The following DISC1 variants were observed in gnomAD, a reference collection of about 807,000 sequenced individuals.
DISC1 encodes the protein DISC1 scaffold protein.
In DISC1, 57 loss-of-function variants were observed where a neutral mutation model predicts 84.5. That is an observed-to-expected ratio of 0.67 (90% confidence interval 0.55 to 0.84). DISC1 has a LOEUF of 0.84. Ranked by LOEUF, DISC1 falls within the 40% of genes least tolerant of loss-of-function variation. The pLI, the probability that DISC1 is intolerant of heterozygous loss-of-function variation, is 0.00. For missense variants in DISC1, 1,000 were observed against 1,057.8 expected, an observed-to-expected ratio of 0.95 and a Z score of 0.76; for synonymous variants, 411 against 415.2, an observed-to-expected ratio of 0.99 and a Z score of 0.12.
At chr1:231,723,507 C>T (rs2070177398) in intron 3 of DISC1, 2 of 985,480 alleles carry the variant, frequency 2.0e-6, no homozygotes, top group Non-Finnish European at 2.4e-6. Context: ...TCTGTGCAGT[C>T]CTGTGGTTAC....
At chr1:231,801,611 G>C (rs1206085326) in intron 8 of DISC1, among the ~76,000 whole-genome samples, 3 of 152,122 alleles carry the variant, frequency 2.0e-5, no homozygotes, top group Non-Finnish European at 4.4e-5. Context: ...ACTATTTTCT[G>C]GTTGCTCTGT....
chr1:231,984,030 C>T (rs544931290), intron 10 of DISC1, among the ~76,000 whole-genome samples: 12 of 152,330 alleles, frequency 7.9e-5, no homozygotes, highest in Admixed American at 5.9e-4. Context: ...CATGCTAGTG[C>T]GGCATGGGGC....
intron 9 of DISC1, among the ~76,000 whole-genome samples, chr1:231,834,762 G>A (rs1309742572): frequency 2.6e-5 from 4 of 151,914 alleles, no homozygotes; most frequent in Non-Finnish European, 5.9e-5. Flanking sequence ...AAGGGATGGG[G>A]GGTTCTTGCC....
At chr1:231,723,491 A>G (rs1336485544) in intron 3 of DISC1, 2 of 985,508 alleles carry the variant, frequency 2.0e-6, no homozygotes, top group Non-Finnish European at 2.4e-6. Context: ...AGTGAACGTT[A>G]TTCTTTCTGT....
intron 10 of DISC1, among the ~76,000 whole-genome samples, chr1:231,965,395 G>A (rs1425991410): frequency 6.6e-6 from 1 of 152,064 alleles, no homozygotes; most frequent in Non-Finnish European, 1.5e-5. Context: ...TATCCAGGAG[G>A]GTGACTGCGG....
chr1:231,878,123 A>G lies in DISC1; in HGVS notation c.1981+59606A>G, dbSNP rs888360556. ...TATTAATATTTATTAAGCATATTCT[A>G]TCAGGCAGGTGCTGGGCTCGGTGCT... On this transcript the variant is annotated intron_variant, in intron 9 of 12. Transcript: ENST00000439617. Among the ~76,000 whole-genome samples the G allele has an allele frequency of 3.3e-5, 5 of 152,366 alleles. No homozygotes were observed. In the South Asian group the frequency reaches 8.3e-4, roughly 25 times the overall value.
chr1:231,789,075 G>A (rs1320569941), intron 6 of DISC1, among the ~76,000 whole-genome samples: 7 of 152,182 alleles, frequency 4.6e-5, no homozygotes, highest in Non-Finnish European at 1.0e-4. Context: ...AAATTAGTAA[G>A]TTACATGTAG....
At chr1:231,978,096 A>G (rs1391382607) in intron 10 of DISC1, among the ~76,000 whole-genome samples, 3 of 151,822 alleles carry the variant, frequency 2.0e-5, no homozygotes, top group Non-Finnish European at 4.4e-5. Context: ...TGTATTTTCC[A>G]TAAACTGGTA....
intron 3 of DISC1, among the ~76,000 whole-genome samples, chr1:231,712,333 A>G (rs868272581): frequency 6.6e-6 from 1 of 152,250 alleles, no homozygotes; most frequent in African/African-American, 2.4e-5. Flanking sequence ...TATATACGGC[A>G]TAACCACCAA....
At chr1:232,004,867 GCCTCCCTCCCTCCCTCCCT>G (rs1667158665) in intron 10 of DISC1, among the ~76,000 whole-genome samples, 6 of 28,464 alleles carry the variant, frequency 2.1e-4, no homozygotes, top group Non-Finnish European at 2.8e-4. Flanking sequence ...CTCCCTCCCT[GCCTCCCTCCCTCCCTCCCT>G]TCCTTCCTTC....
rs7548491 is a variant in DISC1, at chr1:231,954,506, A to C, written c.1982-4322A>C. Among the ~76,000 whole-genome samples the C allele has an allele frequency of 0.31, 46,640 of 152,148 alleles. 7,224 individuals are homozygous for C. The highest frequency in any genetic ancestry group is 0.33 in the African/African-American group (13,784 of 41,490). On this transcript the variant is annotated intron_variant, in intron 9 of 12. Transcript: ENST00000439617. This position sits in a 1 kb window ranked among gnomAD's most constrained non-coding sequence, Gnocchi z 4.8. The stretch of plus-strand genomic sequence containing the variant: ...ATTCCCTTAATAAACAGAAACAGTG[A>C]ATGTGTTCCTGCTTCTTCCTGATCA...
chr1:231,962,041 G>C (rs958794229), intron 10 of DISC1, among the ~76,000 whole-genome samples: 3 of 152,174 alleles, frequency 2.0e-5, no homozygotes, highest in Non-Finnish European at 4.4e-5. Flanking sequence ...TCCAGCATCT[G>C]TTGTTTTTTG....
At chr1:231,771,618 G>A in intron 6 of DISC1, 2 of 984,228 alleles carry the variant, frequency 2.0e-6, no homozygotes, top group Non-Finnish European at 2.4e-6. Context: ...TACAGGTGAG[G>A]AAAAACGTTT....
chr1:232,001,114 T>C (rs1052231116), intron 10 of DISC1, among the ~76,000 whole-genome samples: 1 of 137,922 alleles, frequency 7.3e-6, no homozygotes, highest in African/African-American at 2.8e-5. Context: ...AGAGTCTCAC[T>C]CTCACCCAGG....
intron 1 of DISC1, among the ~76,000 whole-genome samples, chr1:231,659,054 G>T (rs1292989577): frequency 6.6e-6 from 1 of 152,090 alleles, no homozygotes; most frequent in Non-Finnish European, 1.5e-5. Context: ...CAGTCAAAAT[G>T]ATACCCCTTT....
chr1:232,013,830 G>A (rs1164664994), intron 11 of DISC1, among the ~76,000 whole-genome samples: 2 of 152,080 alleles, frequency 1.3e-5, no homozygotes, highest in African/African-American at 4.8e-5. Flanking sequence ...ACCTTTCTAG[G>A]TTTTATGTTT....
At chr1:231,645,756 T>C (rs532146604) in intron 1 of DISC1, among the ~76,000 whole-genome samples, 2 of 152,218 alleles carry the variant, frequency 1.3e-5, no homozygotes, top group East Asian at 3.9e-4. Flanking sequence ...AGTGAGAACA[T>C]GCACTGTTCG....
In DISC1 at chr1:231,899,979, A is replaced by G. The variant is rs2088016838; in HGVS notation, c.1982-58849A>G. Among the ~76,000 whole-genome samples, 3 of 152,332 alleles carry G rather than the reference A, an allele frequency of 2.0e-5. No individual in the cohort carries two copies. In the South Asian group the frequency reaches 6.2e-4, roughly 32 times the overall value. The stretch of plus-strand genomic sequence containing the variant: ...CTATATAAGTGATTTCAGTGTATCT[A>G]GGATAGAGATTTTGTTCCCAGAGTA... On this transcript the variant is annotated intron_variant, in intron 9 of 12. Transcript: ENST00000439617.
chr1:231,641,591 C>A (rs756268010), intron 1 of DISC1, among the ~76,000 whole-genome samples: 3 of 152,186 alleles, frequency 2.0e-5, no homozygotes, highest in Non-Finnish European at 4.4e-5. Flanking sequence ...AGAGGGTTGC[C>A]GCTGCTGGCG....
Sources: gnomAD v4.1 joint callset for allele counts (sites outside exome capture counted in the v4.1 genomes callset) on GRCh38, gnomAD v4.1.1 for gene constraint, Gnocchi (gnomAD v3.1) non-coding constraint, MANE v1.5 for transcripts, NCBI Gene and HGNC (gene_info 2026-07-23, HGNC 2026-07-21) for gene names.